Variants in MYLK observed in about 807,000 individuals in gnomAD.
MYLK encodes myosin light chain kinase.
Under a neutral mutation model 203.4 loss-of-function variants are expected in MYLK, and 106 were observed. That is an observed-to-expected ratio of 0.52 (90% CI 0.45 to 0.61). The LOEUF is 0.61. Ranked by LOEUF, MYLK falls within the 20% of genes least tolerant of loss-of-function variation. The pLI is 0.00. For missense variants in MYLK, 2,072 were observed against 2,442.3 expected, an observed-to-expected ratio of 0.85 and a Z score of 3.20; for synonymous variants, 867 against 959.5, an observed-to-expected ratio of 0.90 and a Z score of 1.78.
chr3:123,758,061 A>T (rs2063415446), intron 4 of MYLK, among the ~76,000 whole-genome samples: 1 of 152,178 alleles, frequency 6.6e-6, no homozygotes, highest in African/African-American at 2.4e-5. Context: ...ACAAAAAAAA[A>T]AAAGAAGGAA....
At chr3:123,801,885 A>G (rs111541188) in intron 3 of MYLK, among the ~76,000 whole-genome samples, 2,132 of 152,278 alleles carry the variant, frequency 0.014, 58 homozygotes, top group African/African-American at 0.049. Context: ...ACTGTGAAGA[A>G]CATACAGATG....
chr3:123,624,286 T>C (rs1296730317), intron 31 of MYLK: 2 of 150,572 alleles, frequency 1.3e-5, no homozygotes, highest in African/African-American at 2.5e-5. Context: ...GATTGTACCA[T>C]TGCCCTCCAG....
chr3:123,694,919 G>T (rs1486040945), intron 18 of MYLK, among the ~76,000 whole-genome samples: 1 of 151,984 alleles, frequency 6.6e-6, no homozygotes, highest in Non-Finnish European at 1.5e-5. Context: ...TTTCCCAGAG[G>T]TTTTTTTTTG....
rs1320577345 is a variant in MYLK at position 123,721,908 on chromosome 3, G to C, written c.1804+220C>G. 2.0e-5 allele frequency among the ~76,000 whole-genome samples: 3 copies of C among 151,166 alleles called. No individual in the cohort carries two copies. In the East Asian group the frequency reaches 5.9e-4, roughly 30 times the overall value. On this transcript the variant is annotated intron_variant, in intron 13 of 33. Transcript: ENST00000360304. ...TCTCCCTCACTTCCTACCTGCAGGT[G>C]CAGCACTTTTTAAGGACCCTCTCCT...
chr3:123,759,131 A>G (rs554889648), intron 4 of MYLK, among the ~76,000 whole-genome samples: 15 of 152,312 alleles, frequency 9.8e-5, no homozygotes, highest in African/African-American at 3.4e-4. Context: ...GGCCAAAGAC[A>G]TAGAATTTTA....
intron 18 of MYLK, among the ~76,000 whole-genome samples, chr3:123,699,380 GTC>G (rs2061077975): frequency 6.6e-6 from 1 of 152,136 alleles, no homozygotes; most frequent in Non-Finnish European, 1.5e-5. Flanking sequence ...GCAAACAAAA[GTC>G]TCATCCAAAT....
intron 1 of MYLK, among the ~76,000 whole-genome samples, chr3:123,877,726 C>CATATG (rs2033252924): frequency 6.6e-6 from 1 of 152,216 alleles, no homozygotes; most frequent in African/African-American, 2.4e-5. Context: ...CCTGCTGCTT[C>CATATG]CTCATGAACA....
At chr3:123,759,472 A>G (rs913900917) in intron 4 of MYLK, among the ~76,000 whole-genome samples, 2 of 152,220 alleles carry the variant, frequency 1.3e-5, no homozygotes, top group African/African-American at 4.8e-5. Context: ...AGGTTTAACA[A>G]ATTAATGCTG....
At chr3:123,740,490 A>G in intron 5 of MYLK, among the ~76,000 whole-genome samples, 1 of 152,238 alleles carries the variant, frequency 6.6e-6, no homozygotes, top group Non-Finnish European at 1.5e-5. Context: ...GACTGACACA[A>G]TCAACACTCC....
At chr3:123,655,592 T>C (rs888925872) in intron 24 of MYLK, among the ~76,000 whole-genome samples, 4 of 152,238 alleles carry the variant, frequency 2.6e-5, no homozygotes, top group Non-Finnish European at 5.9e-5. Context: ...CAGACTGTTA[T>C]GTAACCTCCA....
chr3:123,657,059 T>TC, intron 24 of MYLK, 67 bp downstream of exon 24: 1 of 1,564,954 alleles, frequency 6.4e-7, no homozygotes, highest in Non-Finnish European at 8.8e-7. Flanking sequence ...TTCAGTACAG[T>TC]CTTTACATAC....
chr3:123,631,124 G>A (rs918183415), intron 29 of MYLK, among the ~76,000 whole-genome samples: 22 of 152,196 alleles, frequency 1.4e-4, no homozygotes, highest in Non-Finnish European at 2.2e-4. Context: ...GGGGCCAGGC[G>A]TGGTGGCTCA....
chr3:123,716,266 G>C (rs2061890393), intron 13 of MYLK: 1 of 152,164 alleles, frequency 6.6e-6, no homozygotes, highest in Non-Finnish European at 1.5e-5. Context: ...CCCATTTCCA[G>C]GGGGTTTGTG....
intron 16 of MYLK, among the ~76,000 whole-genome samples, chr3:123,704,997 GCTGA>G (rs2061405148): frequency 1.3e-5 from 2 of 152,172 alleles, no homozygotes; most frequent in Admixed American, 1.3e-4. Context: ...GGAATTTTGA[GCTGA>G]CTTTTTGTCA....
At chr3:123,660,333 AGTATTTGGGGATTATTGG>A (rs1487515859) in intron 23 of MYLK, among the ~76,000 whole-genome samples, 2 of 152,210 alleles carry the variant, frequency 1.3e-5, no homozygotes, top group African/African-American at 2.4e-5. Context: ...AAACTCAGTT[AGTATTTGGGGATTATTGG>A]GTATTTGGGG....
At position 123,620,269 on chromosome 3, in the gene MYLK, C is replaced by T. The variant is rs1414048723; in HGVS notation, c.5306G>A (p.Gly1769Asp). Residue 1769 changes from glycine (G) to aspartate (D), a missense_variant, in exon 32 of 34, where the codon GGC becomes GAC. Around this residue, in one of 3 missense-constraint regions of MYLK, gnomAD observed 524 missense variants for 782.4 expected, o/e 0.67. Transcript: ENST00000360304. The stretch of plus-strand genomic sequence containing the variant: ...TGGTGACCCTGTTGAGGATTTCCTG[C>T]CACTGAGCCCTGAGATCATTGCCAT... ...SSMAMISGLS[G>D]RKSSTGSPTS... 1.9e-6 allele frequency: 3 copies of T among 1,614,182 alleles called. No individual in the cohort carries two copies. The African/African-American group carries it at 4.0e-5, about 22-fold the overall frequency.
At chr3:123,757,998 T>C (rs575185850) in intron 4 of MYLK, among the ~76,000 whole-genome samples, 50 of 152,146 alleles carry the variant, frequency 3.3e-4, no homozygotes, top group African/African-American at 1.2e-3. Flanking sequence ...TCAATCTTCT[T>C]CTGCCCCATC....
intron 18 of MYLK, 102 bp from the exon 19 acceptor site, chr3:123,692,953 G>A: frequency 1.0e-6 from 1 of 992,416 alleles, no homozygotes; most frequent in East Asian, 2.4e-5. Flanking sequence ...CAGCCTCTGG[G>A]AGCCCAGAAG....
At chr3:123,790,322 G>A (rs943705999) in intron 4 of MYLK, among the ~76,000 whole-genome samples, 1 of 152,186 alleles carries the variant, frequency 6.6e-6, no homozygotes, top group Non-Finnish European at 1.5e-5. Flanking sequence ...GTGTCACTGG[G>A]CTACCCTTAG....
Sources: allele counts gnomAD v4.1 joint callset (sites outside exome capture counted in the v4.1 genomes callset), GRCh38; gene constraint gnomAD v4.1.1; regional missense constraint gnomAD v4.1.1; transcripts MANE v1.5; gene names NCBI Gene and HGNC (gene_info 2026-07-23, HGNC 2026-07-21).